Variants in FHIT observed in about 807,000 individuals in gnomAD.
The protein encoded by FHIT is bis(5'-adenosyl)-triphosphatase.
Under a neutral mutation model 17.9 loss-of-function variants are expected in FHIT, and 19 were observed. The observed-to-expected ratio is 1.06, with a 90% confidence interval of 0.74 to 1.56. The LOEUF (loss-of-function observed/expected upper bound fraction) is 1.56, where lower values mean the gene tolerates loss of function less well. Ranked by LOEUF, FHIT falls within the 40% of genes most tolerant of loss-of-function variation. The pLI, the probability that FHIT is intolerant of heterozygous loss-of-function variation, is 0.00. For missense variants in FHIT, 248 were observed against 189.2 expected, an observed-to-expected ratio of 1.31 and a Z score of -1.82; for synonymous variants, 81 against 69.7, an observed-to-expected ratio of 1.16 and a Z score of -0.81.
intron 8 of FHIT, among the ~76,000 whole-genome samples, chr3:59,913,289 C>T (rs1001764074): frequency 6.6e-6 from 1 of 152,100 alleles, no homozygotes; most frequent in African/African-American, 2.4e-5. Context: ...GTCCCAGTGT[C>T]TAAGAAAATC....
At chr3:60,111,373 C>CA (rs1704661989) in intron 5 of FHIT, among the ~76,000 whole-genome samples, 1 of 152,138 alleles carries the variant, frequency 6.6e-6, no homozygotes, top group South Asian at 2.1e-4. Context: ...ATATGCTTTT[C>CA]ACCCAAAGGT....
Position 60,441,750 on chromosome 3 carries a change from A to T in FHIT, c.103+95110T>A, listed in dbSNP as rs1365881905. Among the ~76,000 whole-genome samples, 8 of 41,340 alleles carry T rather than the reference A, an allele frequency of 1.9e-4. 1 individual carries two copies. The South Asian group carries it at 4.1e-3, about 21-fold the overall frequency. 27.1% of individuals were successfully genotyped at this position (41,340 alleles called of 152,430 possible). ...TGTATTTATATATATATATTTATATATATAAAAATATATATATATTTATAT... is the reference window on the plus strand; with the variant it reads ...TGTATTTATATATATATATTTATATTTATAAAAATATATATATATTTATAT... On this transcript the variant is annotated intron_variant, in intron 5 of 9. Coordinates refer to ENST00000492590, the MANE Select transcript of FHIT (RefSeq NM_002012.4).
intron 5 of FHIT, chr3:60,536,065 G>C (rs749688991): frequency 7.9e-5 from 12 of 152,064 alleles, no homozygotes; most frequent in Non-Finnish European, 1.6e-4. Context: ...AAGTGAAGGA[G>C]GAAAGAGAAA....
intron 7 of FHIT, among the ~76,000 whole-genome samples, chr3:59,934,003 C>T (rs1303262871): frequency 6.6e-6 from 1 of 152,060 alleles, no homozygotes; most frequent in Non-Finnish European, 1.5e-5. Context: ...TAAAACAGGG[C>T]CCCTCAAGCT....
At chr3:60,165,935 A>G (rs887042520) in intron 5 of FHIT, among the ~76,000 whole-genome samples, 1 of 152,114 alleles carries the variant, frequency 6.6e-6, no homozygotes, top group Non-Finnish European at 1.5e-5. Context: ...TTTTCACCGG[A>G]CATCTATGGC....
chr3:61,134,483 G>A (rs1401318264), intron 2 of FHIT, among the ~76,000 whole-genome samples: 1 of 152,100 alleles, frequency 6.6e-6, no homozygotes, highest in Non-Finnish European at 1.5e-5. Flanking sequence ...ATAGGATCAA[G>A]ATCAAAGAAA....
At chr3:59,962,636 T>C (rs1422931366) in intron 7 of FHIT, among the ~76,000 whole-genome samples, 1 of 152,220 alleles carries the variant, frequency 6.6e-6, no homozygotes, top group Non-Finnish European at 1.5e-5. Flanking sequence ...TTATAGAGCT[T>C]TCTTCCTTTC....
chr3:60,794,838 C>A (rs1575533922), intron 4 of FHIT, among the ~76,000 whole-genome samples: 1 of 152,136 alleles, frequency 6.6e-6, no homozygotes, highest in South Asian at 2.1e-4. Flanking sequence ...CAGTTTTTTT[C>A]TTTATTTGTG....
chr3:61,099,069 T>C (rs2035736542), intron 2 of FHIT, among the ~76,000 whole-genome samples: 1 of 152,224 alleles, frequency 6.6e-6, no homozygotes, highest in Non-Finnish European at 1.5e-5. Flanking sequence ...CATAGGTGGC[T>C]CTTATTATTT....
intron 3 of FHIT, among the ~76,000 whole-genome samples, chr3:60,832,165 A>G (rs1307548855): frequency 6.6e-6 from 1 of 152,172 alleles, no homozygotes; most frequent in Non-Finnish European, 1.5e-5. Context: ...TGCAATCTTC[A>G]CAATGACCTT....
At chr3:59,837,849 G>T (rs775071466) in intron 8 of FHIT, among the ~76,000 whole-genome samples, 2 of 152,074 alleles carry the variant, frequency 1.3e-5, no homozygotes, top group African/African-American at 2.4e-5. Flanking sequence ...TGGTGGTGGT[G>T]TGGGGGGGTG....
At chr3:60,805,098 T>C (rs1701335318) in intron 4 of FHIT, among the ~76,000 whole-genome samples, 1 of 152,236 alleles carries the variant, frequency 6.6e-6, no homozygotes, top group African/African-American at 2.4e-5. Context: ...ATGGTTATGC[T>C]GGGCATTACT....
chr3:60,028,265 A>G (rs58466904), intron 5 of FHIT, among the ~76,000 whole-genome samples: 1,763 of 152,318 alleles, frequency 0.012, 32 homozygotes, highest in African/African-American at 0.04. Context: ...CAATATGCAC[A>G]TATTTCAGTT....
At chr3:60,723,051 G>A (rs1488348127) in intron 4 of FHIT, among the ~76,000 whole-genome samples, 4 of 152,186 alleles carry the variant, frequency 2.6e-5, no homozygotes, top group East Asian at 1.9e-4. Flanking sequence ...TTGTTTCTGG[G>A]CATCGGGAGG....
At chr3:60,412,420 A>G (rs1702096700) in intron 5 of FHIT, among the ~76,000 whole-genome samples, 1 of 152,114 alleles carries the variant, frequency 6.6e-6, no homozygotes, top group Non-Finnish European at 1.5e-5. Flanking sequence ...CACAATCATC[A>G]TCTCCCTTCT....
chr3:60,135,562 T>G (rs945223075), intron 5 of FHIT, among the ~76,000 whole-genome samples: 2 of 152,068 alleles, frequency 1.3e-5, no homozygotes, highest in Admixed American at 6.6e-5. Context: ...CATTTCAACA[T>G]TTGTTGAGAG....
At chr3:61,124,236 T>G (rs1039965706) in intron 2 of FHIT, among the ~76,000 whole-genome samples, 2 of 152,194 alleles carry the variant, frequency 1.3e-5, no homozygotes, top group South Asian at 2.1e-4. Flanking sequence ...CATGAGTGTA[T>G]GATTGCCTAT....
At chr3:59,909,395 T>C (rs1024891887) in intron 8 of FHIT, among the ~76,000 whole-genome samples, 1 of 151,952 alleles carries the variant, frequency 6.6e-6, no homozygotes, top group Non-Finnish European at 1.5e-5. Flanking sequence ...AGTGGCATGA[T>C]CTCAGCTCAC....
At chr3:60,458,981 T>C (rs2032291972) in intron 5 of FHIT, among the ~76,000 whole-genome samples, 1 of 151,914 alleles carries the variant, frequency 6.6e-6, no homozygotes, top group Non-Finnish European at 1.5e-5. Context: ...AAAGTCTCAC[T>C]ATGCTGCTAG....
Sources: allele counts gnomAD v4.1 joint callset (sites outside exome capture counted in the v4.1 genomes callset), GRCh38; gene constraint gnomAD v4.1.1; transcripts MANE v1.5; gene names NCBI Gene and HGNC (gene_info 2026-07-23, HGNC 2026-07-21).